C12orf42: variants seen among roughly 807,000 people sequenced by gnomAD.
The protein encoded by C12orf42 is chromosome 12 open reading frame 42, also known as uncharacterized protein C12orf42.
C12orf42 carries 25 observed loss-of-function variants against 21.6 expected under a neutral mutation model. The ratio of observed to expected loss-of-function variants is 1.16; its 90% CI spans 0.84 to 1.62. C12orf42 has a LOEUF of 1.62. C12orf42 is among the 40% of genes most tolerant of loss of function. C12orf42 has a pLI of 0.00. For missense variants in C12orf42, 483 were observed against 459.3 expected (o/e 1.05, Z -0.47); for synonymous variants, 174 against 175.0 (o/e 0.99, Z 0.05).
At chr12:103,433,211 C>A (rs575575988) in intron 2 of C12orf42, among the ~76,000 whole-genome samples, 1 of 152,308 alleles carries the variant, frequency 6.6e-6, no homozygotes, top group Admixed American at 6.5e-5. Flanking sequence ...ACAAGAAATT[C>A]TTTCTCCTTC....
At chr12:103,390,035 T>C (rs997580059) in intron 3 of C12orf42, among the ~76,000 whole-genome samples, 1 of 152,202 alleles carries the variant, frequency 6.6e-6, no homozygotes, top group Non-Finnish European at 1.5e-5. Context: ...CAACACTAGA[T>C]TGTTGTAACT....
At chr12:103,212,712 G>T in the C12orf42 span, among the ~76,000 whole-genome samples, 1 of 151,900 alleles carries the variant, frequency 6.6e-6, no homozygotes, top group African/African-American at 2.4e-5. Flanking sequence ...TTATTTTATC[G>T]TTATTAGCAT....
chr12:103,531,341 G>C, the C12orf42 span, among the ~76,000 whole-genome samples: 1 of 152,054 alleles, frequency 6.6e-6, no homozygotes, highest in Non-Finnish European at 1.5e-5. Flanking sequence ...GATCAAAAAG[G>C]GTCCTAAAAT....
intron 4 of C12orf42, among the ~76,000 whole-genome samples, chr12:103,278,227 G>T (rs2136294505): frequency 6.6e-6 from 1 of 152,192 alleles, no homozygotes; most frequent in Non-Finnish European, 1.5e-5. Context: ...GATGTTAAGG[G>T]TTTTTTTAAA....
At chr12:103,543,844 T>C in the C12orf42 span, among the ~76,000 whole-genome samples, 5 of 152,130 alleles carry the variant, frequency 3.3e-5, no homozygotes, top group South Asian at 4.1e-4. Flanking sequence ...TACATCCTTT[T>C]AGAATTTTTT....
At chr12:103,559,726 G>T in the C12orf42 span, 2 of 152,322 alleles carry the variant, frequency 1.3e-5, no homozygotes, top group East Asian at 3.9e-4. Context: ...TGTGATTGTT[G>T]TTCACTGTTG....
downstream of C12orf42, among the ~76,000 whole-genome samples, chr12:103,301,078 C>G (rs968304431): frequency 1.3e-5 from 2 of 152,148 alleles, no homozygotes; most frequent in Non-Finnish European, 2.9e-5. Flanking sequence ...GAAGTTATTG[C>G]TTATAACATT....
intron 4 of C12orf42, among the ~76,000 whole-genome samples, chr12:103,314,262 G>T (rs1219905708): frequency 6.6e-6 from 1 of 152,114 alleles, no homozygotes; most frequent in Non-Finnish European, 1.5e-5. Context: ...GTGTTGGGAT[G>T]TTGCACAACA....
the C12orf42 span, among the ~76,000 whole-genome samples, chr12:103,078,486 C>A: frequency 3.3e-5 from 5 of 152,290 alleles, no homozygotes; most frequent in South Asian, 8.3e-4. Flanking sequence ...GAGCTACCAC[C>A]TAAAGGACCA....
the C12orf42 span, among the ~76,000 whole-genome samples, chr12:103,513,905 A>C: frequency 6.6e-6 from 1 of 152,230 alleles, no homozygotes; most frequent in Non-Finnish European, 1.5e-5. Context: ...GTTTTGGAGA[A>C]AAATAAAAAG....
chr12:103,265,062 C>T (rs1240820046), downstream of C12orf42, among the ~76,000 whole-genome samples: 2 of 152,150 alleles, frequency 1.3e-5, no homozygotes, highest in Admixed American at 6.6e-5. Flanking sequence ...TAAAGACTCT[C>T]TTCTAGGTTG....
At chr12:103,409,786 T>C (rs1490397594) in intron 2 of C12orf42, among the ~76,000 whole-genome samples, 2 of 152,188 alleles carry the variant, frequency 1.3e-5, no homozygotes, top group Admixed American at 1.3e-4. Context: ...TTTAAAATAA[T>C]GTATTCAGTA....
chr12:103,221,332 A>C, the C12orf42 span, among the ~76,000 whole-genome samples: 1 of 152,100 alleles, frequency 6.6e-6, no homozygotes, highest in African/African-American at 2.4e-5. Flanking sequence ...TGAATGCCAA[A>C]CTCTATGAGA....
At chr12:103,451,774 G>C (rs1279120676) in intron 2 of C12orf42, among the ~76,000 whole-genome samples, 1 of 151,940 alleles carries the variant, frequency 6.6e-6, no homozygotes, top group Non-Finnish European at 1.5e-5. Flanking sequence ...TAGCATATGT[G>C]ACCCTTATCC....
intron 4 of C12orf42, among the ~76,000 whole-genome samples, chr12:103,296,354 T>C (rs1035429882): frequency 6.6e-6 from 1 of 152,170 alleles, no homozygotes; most frequent in Non-Finnish European, 1.5e-5. Flanking sequence ...AGCAGCATGA[T>C]TTATAATCCT....
chr12:103,502,195 C>T, the C12orf42 span, among the ~76,000 whole-genome samples: 6 of 152,256 alleles, frequency 3.9e-5, no homozygotes, highest in Middle Eastern at 0.01. Context: ...CAGTCTTCTT[C>T]CTGAAACACT....
At chr12:103,217,959 A>G in the C12orf42 span, among the ~76,000 whole-genome samples, 1 of 152,096 alleles carries the variant, frequency 6.6e-6, no homozygotes, top group Non-Finnish European at 1.5e-5. Flanking sequence ...TTGTTGCTGC[A>G]TATCTCATCA....
chr12:103,221,156 C>G, the C12orf42 span, among the ~76,000 whole-genome samples: 3 of 152,166 alleles, frequency 2.0e-5, no homozygotes, highest in Non-Finnish European at 2.9e-5. Flanking sequence ...GAGAAAGATA[C>G]CACACAGAGA....
the C12orf42 span, among the ~76,000 whole-genome samples, chr12:103,544,019 G>A: frequency 6.6e-6 from 1 of 151,758 alleles, no homozygotes; most frequent in Non-Finnish European, 1.5e-5. Context: ...TCAGCCTCCT[G>A]AGTAGCTGGG....
Sources: gnomAD v4.1 joint callset for allele counts (sites outside exome capture counted in the v4.1 genomes callset) on GRCh38, gnomAD v4.1.1 for gene constraint, MANE v1.5 for transcripts, NCBI Gene and HGNC (gene_info 2026-07-23, HGNC 2026-07-21) for gene names.